The following HCK variants were observed in gnomAD, a reference collection of about 807,000 sequenced individuals.
HCK encodes the protein HCK proto-oncogene, Src family tyrosine kinase, also known as tyrosine-protein kinase HCK.
HCK carries 40 observed loss-of-function variants against 70.4 expected under a neutral mutation model. The observed-to-expected ratio is 0.57, with a 90% CI of 0.44 to 0.74. HCK has a LOEUF of 0.74. Ranked by LOEUF, HCK falls within the 30% of genes least tolerant of loss-of-function variation. HCK has a pLI of 0.00. For missense variants in HCK, 568 were observed against 697.2 expected, an observed-to-expected ratio of 0.81 and a Z score of 2.09; for synonymous variants, 245 against 263.2, an observed-to-expected ratio of 0.93 and a Z score of 0.67.
chr20:32,080,373 A>G (rs1272631631), intron 6 of HCK, among the ~76,000 whole-genome samples: 1 of 151,746 alleles, frequency 6.6e-6, no homozygotes, highest in Non-Finnish European at 1.5e-5. Context: ...TAATTTTTGT[A>G]TTTTTAGTAG....
chr20:32,052,479 G>C lies in HCK; in HGVS notation c.55G>C (p.Ala19Pro). The change falls in exon 1 of 13, where the codon GCG becomes CCG. Residue 19 changes from alanine to proline, a missense_variant. Ala to Pro is a conservative substitution (Grantham distance 27). Transcript: ENST00000375852. ...GGGCTGCCCGCGAGACGAGGAGCGGGCGCCCAGGTGAGTGCCGCGCACAGG... is the reference window on the plus strand; with the variant it reads ...GGGCTGCCCGCGAGACGAGGAGCGGCCGCCCAGGTGAGTGCCGCGCACAGG... The C allele has an allele frequency of 1.6e-6, 2 of 1,264,802 alleles. No homozygotes were observed. Among genetic ancestry groups the C allele is most frequent in the Non-Finnish European group, 1.0e-6 (1 of 996,848 alleles). The allele number at this position is 1,264,802 out of a possible 1,614,324, so 78.3% of individuals were successfully genotyped here.
chr20:32,060,889 AAAAGGAAGGAAG>A (rs994891112), intron 1 of HCK, among the ~76,000 whole-genome samples: 1 of 111,320 alleles, frequency 9.0e-6, no homozygotes, highest in Non-Finnish European at 2.3e-5. Flanking sequence ...AATGAAAAAG[AAAAGGAAGGAAG>A]AAAGGAAGGA....
At chr20:32,090,487 A>G (rs1375357817) in intron 10 of HCK, among the ~76,000 whole-genome samples, 1 of 152,172 alleles carries the variant, frequency 6.6e-6, no homozygotes, top group Non-Finnish European at 1.5e-5. Flanking sequence ...CATATATACA[A>G]ACAGGTCAAA....
chr20:32,059,293 T>TTCCTTCCCTCCC (rs1188956257), intron 1 of HCK, among the ~76,000 whole-genome samples: 23 of 149,034 alleles, frequency 1.5e-4, no homozygotes, highest in Non-Finnish European at 3.0e-4. Flanking sequence ...CCTTCCTTCC[T>TTCCTTCCCTCCC]TCCCTCCCTC....
intron 11 of HCK, among the ~76,000 whole-genome samples, chr20:32,096,716 G>T (rs2045961601): frequency 6.6e-6 from 1 of 151,954 alleles, no homozygotes; most frequent in African/African-American, 2.4e-5. Context: ...TGCCCAGGCT[G>T]GTCTCAAACT....
intron 2 of HCK, among the ~76,000 whole-genome samples, chr20:32,072,962 T>C (rs2045564803): frequency 6.6e-6 from 1 of 152,024 alleles, no homozygotes; most frequent in Non-Finnish European, 1.5e-5. Flanking sequence ...TAGCCAGGCA[T>C]GGTGGCATGC....
At position 32,073,349 on chromosome 20, in the gene HCK, G is replaced by C; in HGVS notation, c.214G>C (p.Gly72Arg). The change falls in exon 3 of 13, where the codon GGA (glycine) becomes CGA (arginine). Residue 72 changes from glycine (G) to arginine (R), a missense_variant. Transcript: ENST00000375852. ...TAATAGCCACAACAGCAACACACCA[G>C]GAATCAGGGAGGGTAAGTATCTACG... is the stretch of plus-strand genomic sequence containing the variant. 6.2e-7 allele frequency: 1 copy of C among 1,612,028 alleles called. No individual in the cohort carries two copies. The highest frequency in any genetic ancestry group is 8.5e-7 in the Non-Finnish European group (1 of 1,179,330).
intron 1 of HCK, among the ~76,000 whole-genome samples, chr20:32,053,028 A>G (rs981325701): frequency 7.9e-5 from 12 of 151,968 alleles, no homozygotes; most frequent in Admixed American, 4.6e-4. Context: ...CAAACCCCCA[A>G]ACCTCCTGGC....
chr20:32,090,092 A>C (rs547479108), intron 10 of HCK, among the ~76,000 whole-genome samples: 1 of 152,322 alleles, frequency 6.6e-6, no homozygotes, highest in Admixed American at 6.5e-5. Context: ...CAGAGCCTGG[A>C]ATGCCAGAGG....
intron 12 of HCK, among the ~76,000 whole-genome samples, chr20:32,100,521 A>G (rs1385595789): frequency 2.0e-5 from 3 of 152,194 alleles, no homozygotes; most frequent in Non-Finnish European, 4.4e-5. Context: ...AGGGTGGGTA[A>G]TGGTCTAGGG....
At chr20:32,083,711 A>T (rs946686229) in intron 6 of HCK, among the ~76,000 whole-genome samples, 183 bp from the exon 7 acceptor site, 1 of 152,210 alleles carries the variant, frequency 6.6e-6, no homozygotes, top group Non-Finnish European at 1.5e-5. Flanking sequence ...TCACGGGTGG[A>T]TGTGGTAGAG....
chr20:32,084,157 A>G lies in HCK; in HGVS notation c.682+114A>G, dbSNP rs570296263. 3.5e-3 allele frequency: 4,246 copies of G among 1,221,420 alleles called. 14 individuals carry two copies. The highest frequency in any genetic ancestry group is 5.0e-3 in the Admixed American group (203 of 40,578). 75.7% of individuals were successfully genotyped at this position (1,221,420 alleles called of 1,614,324 possible). ...TGTCCTTCTTGGCCATCCCCTAGAC[A>G]GATAGTTGCTTTGGATGCTTCTGAA... On this transcript the variant is annotated intron_variant, in intron 7 of 12. Transcript: ENST00000375852.
rs979990894 is a variant in HCK at position 32,080,554 on chromosome 20, C to T, written c.532+677C>T. 2.6e-5 allele frequency among the ~76,000 whole-genome samples: 4 copies of T among 152,158 alleles called. No individual in the cohort carries two copies. The East Asian group carries it at 7.7e-4, about 29-fold the overall frequency. ...TGTTGCCCAGGCTGGTATGCAGTGG[C>T]ACAATCTCAGCTCACTGCAACTTCT... On this transcript the variant is annotated intron_variant, in intron 6 of 12. Transcript: ENST00000375852.
At chr20:32,068,128 C>T (rs2045486790) in intron 1 of HCK, among the ~76,000 whole-genome samples, 1 of 151,796 alleles carries the variant, frequency 6.6e-6, no homozygotes, top group South Asian at 2.1e-4. Context: ...GAAACCCTGT[C>T]TCTACTAAAA....
At chr20:32,088,503 G>C (rs954670632) in intron 9 of HCK, 65 bp from the exon 10 acceptor site, 9 of 1,217,956 alleles carry the variant, frequency 7.4e-6, no homozygotes, top group Middle Eastern at 1.9e-4. Context: ...TGGTGCAAAA[G>C]TAATTGTGGT....
At position 32,064,916 on chromosome 20, in the gene HCK, A is replaced by G. The variant is rs530730344; in HGVS notation, c.63-6746A>G. Among the ~76,000 whole-genome samples, 3 of 152,378 alleles carry G rather than the reference A, an allele frequency of 2.0e-5. No homozygotes were observed. In the South Asian group the frequency reaches 6.2e-4, roughly 32 times the overall value. On this transcript the variant is annotated intron_variant, in intron 1 of 12. Coordinates refer to ENST00000375852, the MANE Select transcript of HCK (RefSeq NM_002110.5). ...CGAGGAAGTATCTTTACCAGGGATCAGCAGTTTTGAGTGGGTGTGCAACCA... is the reference window on the plus strand; with the variant it reads ...CGAGGAAGTATCTTTACCAGGGATCGGCAGTTTTGAGTGGGTGTGCAACCA...
At chr20:32,064,945 A>G (rs956799838) in intron 1 of HCK, among the ~76,000 whole-genome samples, 1 of 152,246 alleles carries the variant, frequency 6.6e-6, no homozygotes, top group African/African-American at 2.4e-5. Flanking sequence ...GCAACCAGGC[A>G]GACTGCTTCT....
At chr20:32,090,324 G>A (rs1384632896) in intron 10 of HCK, among the ~76,000 whole-genome samples, 1 of 152,238 alleles carries the variant, frequency 6.6e-6, no homozygotes, top group East Asian at 1.9e-4. Flanking sequence ...TAGATTCAGA[G>A]CCCAGGGACA....
chr20:32,073,378 A>T lies in HCK; in HGVS notation c.226+17A>T, dbSNP rs371600600. On this transcript the variant is annotated intron_variant, in intron 3 of 12. Coordinates refer to ENST00000375852, the MANE Select transcript of HCK (RefSeq NM_002110.5). ...TCAGGGAGGGTAAGTATCTACGAGC[A>T]GATGCAGTGGAGTCATGTGTCCTGC... 5.6e-6 allele frequency: 9 copies of T among 1,608,688 alleles called. No homozygotes were observed. Among genetic ancestry groups the T allele is most frequent in the Non-Finnish European group, 7.6e-6 (9 of 1,177,006 alleles).
Sources: gnomAD v4.1 joint callset for allele counts (sites outside exome capture counted in the v4.1 genomes callset) on GRCh38, gnomAD v4.1.1 for gene constraint, MANE v1.5 for transcripts, NCBI Gene and HGNC (gene_info 2026-07-23, HGNC 2026-07-21) for gene names.